PUDP: variants seen among roughly 807,000 people sequenced by gnomAD.
The protein encoded by PUDP is pseudouridine 5'-phosphatase, also known as pseudouridine-5'-phosphatase.
In PUDP, 8 loss-of-function variants were observed where a neutral mutation model predicts 9.4. The ratio of observed to expected loss-of-function variants is 0.85; its 90% confidence interval spans 0.50 to 1.53. PUDP has a LOEUF of 1.53. Ranked by LOEUF, PUDP falls within the 40% of genes most tolerant of loss-of-function variation. PUDP has a pLI of 0.00. For missense variants in PUDP, 188 were observed against 189.7 expected (o/e 0.99, Z 0.05); for synonymous variants, 99 against 80.7 (o/e 1.23, Z -1.22).
chrX:6,892,999 T>C (rs1033717233), intron 3 of PUDP, among the ~76,000 whole-genome samples: 2 of 112,131 alleles, frequency 1.8e-5, no homozygotes, highest in Non-Finnish European at 3.8e-5. Context: ...CTGATTTATA[T>C]ACCTACTGAC....
At chrX:6,771,469 G>T (rs774021476) in intron 3 of PUDP, among the ~76,000 whole-genome samples, 1 of 111,791 alleles carries the variant, frequency 8.9e-6, no homozygotes, top group African/African-American at 3.3e-5. Flanking sequence ...GAGCATGTCC[G>T]CAACTCAAAT....
intron 2 of PUDP, among the ~76,000 whole-genome samples, chrX:7,084,232 C>T (rs1218047901): frequency 4.5e-5 from 5 of 112,124 alleles, no homozygotes; most frequent in African/African-American, 6.5e-5. Flanking sequence ...GCAGTTATTG[C>T]GGTTGTATGT....
chrX:6,740,558 T>C (rs1228183835), intron 3 of PUDP, among the ~76,000 whole-genome samples: 1 of 111,600 alleles, frequency 9.0e-6, no homozygotes, highest in East Asian at 2.8e-4. Context: ...TTAAAGAATC[T>C]GTTTTTGCGT....
At chrX:6,827,851 C>T (rs184219265) in intron 3 of PUDP, among the ~76,000 whole-genome samples, 1 of 112,166 alleles carries the variant, frequency 8.9e-6, no homozygotes, top group African/African-American at 3.2e-5. Flanking sequence ...GGAAGATACA[C>T]ACTTCGAGTA....
At chrX:6,807,661 T>G in intron 3 of PUDP, among the ~76,000 whole-genome samples, 1 of 112,020 alleles carries the variant, frequency 8.9e-6, no homozygotes, top group East Asian at 2.8e-4. Context: ...ACATGATGTC[T>G]CTTTTCAGGA....
intron 3 of PUDP, among the ~76,000 whole-genome samples, chrX:6,903,639 C>T (rs1274149766): frequency 9.0e-6 from 1 of 111,088 alleles, no homozygotes; most frequent in Non-Finnish European, 1.9e-5. Flanking sequence ...TCCTTTACGG[C>T]AACATGGATG....
chrX:6,883,697 A>G (rs6529994), intron 3 of PUDP, among the ~76,000 whole-genome samples: 46,340 of 109,938 alleles, frequency 0.42, 8,541 homozygotes, highest in Non-Finnish European at 0.57. Context: ...AAGTGAAAAA[A>G]TTATCTCATA....
intron 3 of PUDP, among the ~76,000 whole-genome samples, chrX:6,887,089 AATTATAT>A: frequency 9.7e-6 from 1 of 103,474 alleles, no homozygotes; most frequent in East Asian, 3.1e-4. Context: ...TTATATGATA[AATTATAT>A]ATAATATATA....
At chrX:6,780,156 T>TATATACACATACACACAC (rs1421676289) in intron 3 of PUDP, among the ~76,000 whole-genome samples, 1 of 110,032 alleles carries the variant, frequency 9.1e-6, no homozygotes, top group Non-Finnish European at 1.9e-5. Context: ...TATACACACA[T>TATATACACATACACACAC]ATATACACAT....
intron 1 of PUDP, among the ~76,000 whole-genome samples, chrX:6,980,166 C>T (rs1001932860): frequency 1.0e-5 from 1 of 98,842 alleles, no homozygotes; most frequent in South Asian, 5.6e-4. Flanking sequence ...TCTCCCCTCC[C>T]CTCCCTCCCT....
chrX:6,803,322 T>C (rs1367754040), intron 3 of PUDP, among the ~76,000 whole-genome samples: 4 of 110,652 alleles, frequency 3.6e-5, no homozygotes, highest in African/African-American at 6.6e-5. Context: ...GAAAGCTACA[T>C]TGGAAGAGGA....
At chrX:7,057,676 C>T (rs1273305544) in intron 3 of PUDP, 2 of 1,148,323 alleles carry the variant, frequency 1.7e-6, no homozygotes, top group African/African-American at 1.8e-5. Context: ...TCGGGGTCTC[C>T]ATGCACTGTG....
chrX:6,990,706 G>A (rs1420249096), intron 1 of PUDP, among the ~76,000 whole-genome samples: 1 of 111,735 alleles, frequency 8.9e-6, no homozygotes, highest in South Asian at 3.7e-4. Flanking sequence ...AATGCATCTC[G>A]CTGGAAATGC....
chrX:6,934,236 G>C (rs1394190311), intron 3 of PUDP, among the ~76,000 whole-genome samples: 1 of 105,956 alleles, frequency 9.4e-6, no homozygotes, highest in Non-Finnish European at 1.9e-5. Flanking sequence ...CAGAGAGAAA[G>C]GTTGGGTTAC....
chrX:7,122,660 G>A (rs568940315), intron 1 of PUDP, among the ~76,000 whole-genome samples: 3 of 111,725 alleles, frequency 2.7e-5, no homozygotes, highest in South Asian at 7.6e-4. Flanking sequence ...CAGCTATCCC[G>A]CGCAATTGCT....
chrX:7,050,965 G>A (rs1174787986), intron 3 of PUDP, among the ~76,000 whole-genome samples: 1 of 112,092 alleles, frequency 8.9e-6, no homozygotes, highest in Non-Finnish European at 1.9e-5. Context: ...CTAGTGTGAC[G>A]TGACAAATGA....
At chrX:7,086,275 G>A (rs1228884281) in intron 2 of PUDP, among the ~76,000 whole-genome samples, 1 of 111,972 alleles carries the variant, frequency 8.9e-6, no homozygotes, top group African/African-American at 3.2e-5. Context: ...CTTGACACTA[G>A]AAAATAACCA....
At chrX:6,766,790 G>A (rs1925291000) in intron 3 of PUDP, among the ~76,000 whole-genome samples, 1 of 111,672 alleles carries the variant, frequency 9.0e-6, no homozygotes, top group Admixed American at 9.5e-5. Flanking sequence ...GCACTAATTT[G>A]TTCTGCAATT....
rs187523169 is a variant in PUDP, at chrX:6,876,357, C to A, written c.*247+100776G>T. On this transcript the variant is annotated intron_variant and NMD_transcript_variant, in intron 3 of 3. Coordinates refer to the PUDP transcript ENST00000655425. Reference sequence around the variant, plus strand: ...GCATTTCAATTTAGGATATTCTCCACCTACAATGGGTTTAGCAGGCTGTAA... The same window carrying A: ...GCATTTCAATTTAGGATATTCTCCAACTACAATGGGTTTAGCAGGCTGTAA... 1.9e-3 allele frequency among the ~76,000 whole-genome samples: 207 copies of A among 111,191 alleles called. 1 individual carries two copies. The highest frequency in any genetic ancestry group is 6.7e-3 in the African/African-American group (205 of 30,608).
Sources: allele counts gnomAD v4.1 joint callset (sites outside exome capture counted in the v4.1 genomes callset), GRCh38; gene constraint gnomAD v4.1.1; transcripts MANE v1.5; gene names NCBI Gene and HGNC (gene_info 2026-07-23, HGNC 2026-07-21).